Variants in SORCS1 observed in about 807,000 individuals in gnomAD.
The protein encoded by SORCS1 is sortilin related VPS10 domain containing receptor 1.
Under a neutral mutation model 146.1 loss-of-function variants are expected in SORCS1, and 60 were observed. That is an observed-to-expected ratio of 0.41 (90% CI 0.33 to 0.51). SORCS1 has a LOEUF of 0.51. Ranked by LOEUF, SORCS1 falls within the 20% of genes least tolerant of loss-of-function variation. SORCS1 has a pLI of 0.21. For synonymous variants in SORCS1, 637 were observed against 584.0 expected, an observed-to-expected ratio of 1.09 and a Z score of -1.31; for missense variants, 1,352 against 1,487.6, an observed-to-expected ratio of 0.91 and a Z score of 1.50.
chr10:106,652,400 G>A lies in SORCS1; in HGVS notation c.2457C>T (p.Leu819=), dbSNP rs754134573. ...GTCCTACCTCTTCTAATTGCACCAT[G>A]AGAGTGACGTTGTGTCCTTGTTCCG... is the stretch of plus-strand genomic sequence containing the variant. ...LTAEQGHNVT[L]MVQLEEGDVQ... is the part of the protein sequence containing the mutation. The change falls in exon 18 of 26, where the codon CTC becomes CTT. Residue 819 remains leucine (L), a synonymous_variant. Coordinates refer to ENST00000263054, the MANE Select transcript of SORCS1 (RefSeq NM_052918.5). 1.6e-5 allele frequency: 26 copies of A among 1,614,006 alleles called. No homozygotes were observed. Among genetic ancestry groups the A allele is most frequent in the Non-Finnish European group, 2.2e-5 (26 of 1,179,978 alleles).
intron 2 of SORCS1, among the ~76,000 whole-genome samples, chr10:106,843,483 G>A (rs968942919): frequency 2.8e-5 from 4 of 145,358 alleles, no homozygotes; most frequent in African/African-American, 7.7e-5. Context: ...AGGCTGGAGA[G>A]TGCAGTGGCG....
chr10:107,131,700 C>A (rs116025508), intron 1 of SORCS1, among the ~76,000 whole-genome samples: 1,869 of 152,260 alleles, frequency 0.012, 35 homozygotes, highest in African/African-American at 0.042. Context: ...GCCTGGGCCA[C>A]AAAGCAAGAC....
In SORCS1 at chr10:106,774,448, T is replaced by TGTGTGC. The variant is rs1564642981; in HGVS notation, c.885+2085_885+2086insGCACAC. On this transcript the variant is annotated intron_variant, in intron 4 of 25. Coordinates refer to ENST00000263054, the MANE Select transcript of SORCS1 (RefSeq NM_052918.5). ...CAAAGTGTGTGTGTGTGTGTGTGTGTGTGTGTGTGTAAATTATAACTAGCT... is the reference window on the plus strand; with the variant it reads ...CAAAGTGTGTGTGTGTGTGTGTGTGTGTGTGCGTGTGTGTGTAAATTATAACTAGCT... 3.9e-5 allele frequency among the ~76,000 whole-genome samples: 6 copies of TGTGTGC among 152,116 alleles called. 1 individual carries two copies. The South Asian group carries it at 1.3e-3, about 32-fold the overall frequency.
intron 2 of SORCS1, among the ~76,000 whole-genome samples, chr10:106,878,817 G>T (rs193159881): frequency 6.6e-6 from 1 of 150,812 alleles, no homozygotes; most frequent in African/African-American, 2.4e-5. Context: ...TTTACAGAAT[G>T]TGACTCCCAT....
At chr10:106,838,132 T>C (rs977619417) in intron 2 of SORCS1, among the ~76,000 whole-genome samples, 1 of 152,122 alleles carries the variant, frequency 6.6e-6, no homozygotes, top group African/African-American at 2.4e-5. Context: ...TTCCATGAAA[T>C]AAAAATTGAG....
chr10:106,878,710 T>A (rs187828765), intron 2 of SORCS1, among the ~76,000 whole-genome samples: 1 of 147,040 alleles, frequency 6.8e-6, no homozygotes. Flanking sequence ...AATTTTTATA[T>A]GTCCCTCTGG....
intron 5 of SORCS1, among the ~76,000 whole-genome samples, chr10:106,740,030 A>G (rs1857256727): frequency 6.6e-6 from 1 of 152,030 alleles, no homozygotes; most frequent in South Asian, 2.1e-4. Context: ...ATGATATTCT[A>G]TAAGAGAATT....
chr10:107,006,583 C>T (rs1398156062), intron 1 of SORCS1, among the ~76,000 whole-genome samples: 5 of 152,086 alleles, frequency 3.3e-5, no homozygotes, highest in African/African-American at 4.8e-5. Context: ...TTTGGGAGGC[C>T]GAGGCGGGCA....
rs755039220 is a variant in SORCS1, at chr10:107,164,193, C to A, written c.334G>T (p.Gly112Ter). ...AARSGRRRRS[G>*]ADQEKAERGE... ...CGTTCTGCCTTCTCCTGATCCGCTC[C>A]GCTCCGTCTCCTCCGGCCGGAGCGT... The change falls in exon 1 of 26, where the codon GGA (glycine) becomes TGA (stop). Residue 112 changes from glycine (G) to a stop codon, truncating the protein, a stop_gained. Coordinates refer to ENST00000263054, the MANE Select transcript of SORCS1 (RefSeq NM_052918.5). LOFTEE classifies it high-confidence loss of function. The surrounding 1 kb of genome is among the most constrained non-coding windows in gnomAD (Gnocchi z 6.8). The A allele has an allele frequency of 6.2e-7, 1 of 1,611,286 alleles. No individual in the cohort carries two copies. Among genetic ancestry groups the A allele is most frequent in the Admixed American group, 1.7e-5 (1 of 60,020 alleles).
At chr10:106,813,026 T>A (rs1947549654) in intron 3 of SORCS1, among the ~76,000 whole-genome samples, 1 of 151,948 alleles carries the variant, frequency 6.6e-6, no homozygotes, top group African/African-American at 2.4e-5. Context: ...TCTAAGCAGA[T>A]CCTTGCACCA....
At chr10:107,127,022 T>C (rs867956188) in intron 1 of SORCS1, among the ~76,000 whole-genome samples, 2 of 152,286 alleles carry the variant, frequency 1.3e-5, no homozygotes, top group Middle Eastern at 3.4e-3. Context: ...GTGGTTAACA[T>C]GATTTACAGA....
rs34140161 is a variant in SORCS1 at position 106,879,147 on chromosome 10, CA to C, written c.627-49475del. Among the ~76,000 whole-genome samples, 543 of 135,848 alleles carry C rather than the reference CA, an allele frequency of 4.0e-3. 5 individuals carry two copies. Among genetic ancestry groups the C allele is most frequent in the African/African-American group, 4.4e-3 (163 of 36,768 alleles). 89.1% of individuals were successfully genotyped at this position (135,848 alleles called of 152,430 possible). A position where few individuals can be genotyped will look rare whatever the true frequency, so the allele number is the denominator to read the frequency against. ...CCTGGGCGACAGAGTGAGACTCCAT[CA>C]AAAAAAAAAAAAAAATTCATTGATA... On this transcript the variant is annotated intron_variant, in intron 2 of 25. Transcript: ENST00000263054.
intron 5 of SORCS1, among the ~76,000 whole-genome samples, chr10:106,739,652 A>C (rs967816951): frequency 6.7e-6 from 1 of 149,764 alleles, no homozygotes; most frequent in African/African-American, 2.5e-5. Context: ...CTAAAAATAC[A>C]AAAAAAATAT....
chr10:106,709,442 A>ATT, intron 6 of SORCS1, 101 bp from the exon 7 acceptor site: 1 of 412,470 alleles, frequency 2.4e-6, no homozygotes, highest in South Asian at 2.6e-5. Flanking sequence ...TACCATTTCC[A>ATT]ATTTTTTTTT....
At chr10:106,631,310 T>C (rs1848428050) in intron 18 of SORCS1, among the ~76,000 whole-genome samples, 2 of 152,196 alleles carry the variant, frequency 1.3e-5, no homozygotes, top group African/African-American at 4.8e-5. Context: ...GCCCAGACAT[T>C]GTGCACTTAC....
chr10:106,878,646 A>ATATATATATATATATATATAT (rs1200849744), intron 2 of SORCS1, among the ~76,000 whole-genome samples: 4 of 117,884 alleles, frequency 3.4e-5, no homozygotes, highest in African/African-American at 5.7e-5. Context: ...ATATATATAT[A>ATATATATATATATATATATAT]TATTTTATAG....
At chr10:107,004,097 A>G (rs893110914) in intron 1 of SORCS1, among the ~76,000 whole-genome samples, 3 of 144,536 alleles carry the variant, frequency 2.1e-5, no homozygotes, top group Non-Finnish European at 4.5e-5. Context: ...AATGGCGTGA[A>G]CCCGGGAGGC....
chr10:106,673,082 C>T, intron 14 of SORCS1, 97 bp from the exon 15 acceptor site: 1 of 863,804 alleles, frequency 1.2e-6, no homozygotes, highest in Non-Finnish European at 1.8e-6. Flanking sequence ...CTGAGCTAAG[C>T]ACATTACATG....
chr10:107,067,540 G>T (rs1240727037), intron 1 of SORCS1, among the ~76,000 whole-genome samples: 1 of 152,174 alleles, frequency 6.6e-6, no homozygotes, highest in East Asian at 1.9e-4. Context: ...ATAAGATATA[G>T]GGAATGCTGT....
Sources: allele counts gnomAD v4.1 joint callset (sites outside exome capture counted in the v4.1 genomes callset), GRCh38; gene constraint gnomAD v4.1.1; non-coding constraint Gnocchi (gnomAD v3.1); transcripts MANE v1.5; gene names NCBI Gene and HGNC (gene_info 2026-07-23, HGNC 2026-07-21).